KLHL18: variants seen among roughly 807,000 people sequenced by gnomAD.
KLHL18 encodes the protein kelch like family member 18, also known as kelch-like protein 18.
KLHL18 carries 38 observed loss-of-function variants against 58.5 expected under a neutral mutation model. The observed-to-expected ratio is 0.65, with a 90% confidence interval of 0.50 to 0.85. The LOEUF (loss-of-function observed/expected upper bound fraction) is 0.85, where lower values mean the gene tolerates loss of function less well. Among genes scored for constraint, KLHL18 ranks in the 40% least tolerant of loss-of-function variants. KLHL18 has a pLI of 0.00. For missense variants in KLHL18, 624 were observed against 778.4 expected (o/e 0.80, Z 2.36); for synonymous variants, 303 against 301.9 (o/e 1.00, Z -0.04).
intron 1 of KLHL18, among the ~76,000 whole-genome samples, chr3:47,290,614 A>G (rs1702772019): frequency 1.3e-5 from 2 of 152,062 alleles, no homozygotes; most frequent in Non-Finnish European, 2.9e-5. Context: ...GGTGTATGCC[A>G]CCACGCCTGG....
rs1159908644 is a variant in KLHL18, at chr3:47,329,970, C to G, written c.421C>G (p.Leu141Val). The change falls in exon 4 of 10, where the codon CTG becomes GTG. Residue 141 changes from leucine to valine, a missense_variant. Leu to Val is a conservative substitution (Grantham distance 32). Coordinates refer to ENST00000232766, the MANE Select transcript of KLHL18 (RefSeq NM_025010.5). ...LRERLHPKNC[L>V]GVRQFAETMM... Reference sequence around the variant, plus strand: ...CCAAAGGCTTCACCCAAAAAACTGCCTGGGTGTGCGCCAGTTTGCTGAGAC... The same window carrying G: ...CCAAAGGCTTCACCCAAAAAACTGCGTGGGTGTGCGCCAGTTTGCTGAGAC... 1.9e-6 allele frequency: 3 copies of G among 1,614,046 alleles called. No homozygotes were observed. The South Asian group carries it at 3.3e-5, about 18-fold the overall frequency.
At chr3:47,317,600 CAG>C (rs1476094210) in intron 1 of KLHL18, among the ~76,000 whole-genome samples, 1 of 152,014 alleles carries the variant, frequency 6.6e-6, no homozygotes, top group East Asian at 1.9e-4. Context: ...ATATATTAAC[CAG>C]AGTTTTATGC....
At chr3:47,302,261 C>T (rs754034533) in intron 1 of KLHL18, among the ~76,000 whole-genome samples, 3 of 152,096 alleles carry the variant, frequency 2.0e-5, no homozygotes, top group Non-Finnish European at 2.9e-5. Flanking sequence ...CTGAGGTGGG[C>T]AGATCATGAG....
At position 47,292,551 on chromosome 3, in the gene KLHL18, T is replaced by G. The variant is rs1021095751; in HGVS notation, c.129+9457T>G. The stretch of plus-strand genomic sequence containing the variant: ...ACACCAATGTTCACAGCAGCATTAT[T>G]CACAATAGCCAAAAGGTGGAAGCAA... On this transcript the variant is annotated intron_variant, in intron 1 of 9. Transcript: ENST00000232766. Among the ~76,000 whole-genome samples the G allele has an allele frequency of 2.6e-5, 4 of 151,958 alleles. No homozygotes were observed. The South Asian group carries it at 8.3e-4, about 32-fold the overall frequency.
rs567719127 is a variant in KLHL18, at chr3:47,346,027, G to A, written c.*2086G>A. 1 of 152,546 alleles carries A rather than the reference G, an allele frequency of 6.6e-6. No individual in the cohort carries two copies. Among genetic ancestry groups the A allele is most frequent in the South Asian group, 2.1e-4 (1 of 4,824 alleles). 9.4% of individuals were successfully genotyped at this position (152,546 alleles called of 1,614,324 possible). A position where few individuals can be genotyped will look rare whatever the true frequency, so the allele number is the denominator to read the frequency against. ...GTAGGGGTAGACTCGGAAGGTGGGT[G>A]GGGTGTGCATTTCCTGTTAGGAGTG... On this transcript the variant is annotated 3_prime_UTR_variant, in exon 10 of 10. Coordinates refer to ENST00000232766, the MANE Select transcript of KLHL18 (RefSeq NM_025010.5).
At chr3:47,300,602 T>C (rs141660351) in intron 1 of KLHL18, among the ~76,000 whole-genome samples, 118 of 148,754 alleles carry the variant, frequency 7.9e-4, no homozygotes, top group African/African-American at 2.6e-3. Flanking sequence ...ATTTTAGCCA[T>C]TCTGTTAAAT....
chr3:47,298,077 T>G (rs576128619), intron 1 of KLHL18, among the ~76,000 whole-genome samples: 87 of 151,850 alleles, frequency 5.7e-4, no homozygotes, highest in Non-Finnish European at 1.0e-3. Context: ...AGAGTCATGG[T>G]GGGGGATAAA....
In KLHL18 at chr3:47,334,550, G is replaced by C; in HGVS notation, c.762-133G>C. ...CCCAGAACTCACCTGGTTTCTTTGAGACCAGACCTTCCAGAAGGCTTCTCC... is the reference window on the plus strand; with the variant it reads ...CCCAGAACTCACCTGGTTTCTTTGACACCAGACCTTCCAGAAGGCTTCTCC... On this transcript the variant is annotated intron_variant, in intron 5 of 9. Transcript: ENST00000232766. This position sits in a 1 kb window ranked among gnomAD's most constrained non-coding sequence, Gnocchi z 4.7. 2.0e-6 allele frequency: 2 copies of C among 982,626 alleles called. No individual in the cohort carries two copies. The highest frequency in any genetic ancestry group is 1.6e-5 in the South Asian group (1 of 63,488). The allele number at this position is 982,626 out of a possible 1,614,324, so 60.9% of individuals were successfully genotyped here. A position where few individuals can be genotyped will look rare whatever the true frequency, so the allele number is the denominator to read the frequency against.
chr3:47,334,874 G>A lies in KLHL18; in HGVS notation c.898+55G>A. On this transcript the variant is annotated intron_variant, in intron 6 of 9. Coordinates refer to ENST00000232766, the MANE Select transcript of KLHL18 (RefSeq NM_025010.5). This position sits in a 1 kb window ranked among gnomAD's most constrained non-coding sequence, Gnocchi z 4.7. ...CCTCTTGGACTCCATGGATGAGGAAGCACCAGACAAATTAGCCTGGCCCTT... is the reference window on the plus strand; with the variant it reads ...CCTCTTGGACTCCATGGATGAGGAAACACCAGACAAATTAGCCTGGCCCTT... 6.5e-7 allele frequency: 1 copy of A among 1,539,462 alleles called. No homozygotes were observed. Among genetic ancestry groups the A allele is most frequent in the Non-Finnish European group, 8.8e-7 (1 of 1,134,440 alleles).
At chr3:47,305,755 C>A (rs1444320826) in intron 1 of KLHL18, among the ~76,000 whole-genome samples, 2 of 152,068 alleles carry the variant, frequency 1.3e-5, no homozygotes, top group Non-Finnish European at 2.9e-5. Context: ...CTTTTTCAAG[C>A]ATTTTAAAAT....
At chr3:47,340,221 C>T (rs965572636) in intron 7 of KLHL18, among the ~76,000 whole-genome samples, 2 of 151,988 alleles carry the variant, frequency 1.3e-5, no homozygotes, top group Non-Finnish European at 2.9e-5. Context: ...ACTCAGGGAG[C>T]GTGGGGGTGG....
At chr3:47,295,895 G>A (rs1184577936) in intron 1 of KLHL18, among the ~76,000 whole-genome samples, 1 of 152,070 alleles carries the variant, frequency 6.6e-6, no homozygotes, top group East Asian at 1.9e-4. Context: ...TTCTCAAAGG[G>A]ACCCATGCCC....
intron 1 of KLHL18, among the ~76,000 whole-genome samples, chr3:47,318,264 A>G (rs905545094): frequency 2.6e-5 from 4 of 152,226 alleles, no homozygotes; most frequent in Non-Finnish European, 5.9e-5. Flanking sequence ...AGTTGCTGTC[A>G]TCTGAAGGCT....
At chr3:47,288,783 C>A (rs1013357638) in intron 1 of KLHL18, among the ~76,000 whole-genome samples, 7 of 152,148 alleles carry the variant, frequency 4.6e-5, no homozygotes, top group Admixed American at 4.6e-4. Context: ...CTTGGCAAAT[C>A]ATTTTATCTT....
rs1256423225 is a variant in KLHL18 at position 47,322,708 on chromosome 3, G to A, written c.401G>A (p.Arg134Gln). The A allele has an allele frequency of 3.2e-6, 5 of 1,577,564 alleles. No individual in the cohort carries two copies. Among genetic ancestry groups the A allele is most frequent in the Non-Finnish European group, 3.4e-6 (4 of 1,162,334 alleles). ...KDACCTFLRE[R>Q]LHPKNCLGVR... ...GCCTGCTGCACATTCCTTCGAGAAC[G>A]GTGAGGTGATGTGGTGGGCCTGGTG... The change falls in exon 3 of 10, where the codon CGG becomes CAG. Residue 134 changes from arginine (R) to glutamine (Q), a missense_variant and splice_region_variant. Coordinates refer to ENST00000232766, the MANE Select transcript of KLHL18 (RefSeq NM_025010.5).
intron 1 of KLHL18, among the ~76,000 whole-genome samples, chr3:47,286,939 A>C (rs1424120596): frequency 1.3e-5 from 2 of 152,286 alleles, no homozygotes; most frequent in South Asian, 2.1e-4. Flanking sequence ...CTGTCTGAAG[A>C]GTAAACCTCC....
chr3:47,330,253 T>A (rs1318148576), intron 4 of KLHL18, 104 bp downstream of exon 4: 18 of 998,428 alleles, frequency 1.8e-5, no homozygotes, highest in Non-Finnish European at 2.6e-5. Flanking sequence ...TCATGACATG[T>A]ATGTGGCTGT....
At position 47,343,249 on chromosome 3, in the gene KLHL18, G is replaced by A. The variant is rs184102246; in HGVS notation, c.1339-306G>A. The stretch of plus-strand genomic sequence containing the variant: ...CATAGTCAGTCAGTGCTGCAGTGGA[G>A]AGCCCTGGAGATTACAGGAGACCCA... On this transcript the variant is annotated intron_variant, in intron 9 of 9. Coordinates refer to ENST00000232766, the MANE Select transcript of KLHL18 (RefSeq NM_025010.5). Among the ~76,000 whole-genome samples the A allele has an allele frequency of 9.8e-5, 15 of 152,330 alleles. No individual in the cohort carries two copies. In the East Asian group the frequency reaches 2.7e-3, roughly 27 times the overall value.
chr3:47,311,467 C>T lies in KLHL18; in HGVS notation c.130-8186C>T, dbSNP rs186524045. Reference sequence around the variant, plus strand: ...CAGCACTTTGGGAGGCCAAGGTGGGCGGTTCATGAGGTCAGGAGATCAAGA... The same window carrying T: ...CAGCACTTTGGGAGGCCAAGGTGGGTGGTTCATGAGGTCAGGAGATCAAGA... On this transcript the variant is annotated intron_variant, in intron 1 of 9. Coordinates refer to ENST00000232766, the MANE Select transcript of KLHL18 (RefSeq NM_025010.5). 4.8e-4 allele frequency among the ~76,000 whole-genome samples: 73 copies of T among 152,058 alleles called. No homozygotes were observed. In the East Asian group the frequency reaches 0.013, roughly 28 times the overall value.
Sources: gnomAD v4.1 joint callset for allele counts (sites outside exome capture counted in the v4.1 genomes callset) on GRCh38, gnomAD v4.1.1 for gene constraint, Gnocchi (gnomAD v3.1) non-coding constraint, MANE v1.5 for transcripts, NCBI Gene and HGNC (gene_info 2026-07-23, HGNC 2026-07-21) for gene names.